The following EBF1 variants were observed in gnomAD, a reference collection of about 807,000 sequenced individuals.
EBF1 encodes transcription factor COE1.
Under a neutral mutation model 68.4 loss-of-function variants are expected in EBF1, and 10 were observed. That is an observed-to-expected ratio of 0.15 (90% CI 0.09 to 0.25). The LOEUF is 0.25. Among genes scored for constraint, EBF1 ranks in the 10% least tolerant of loss-of-function variants. EBF1 has a pLI of 1.00. For missense variants in EBF1, 509 were observed against 794.4 expected (o/e 0.64, Z 4.32); for synonymous variants, 298 against 299.8 (o/e 0.99, Z 0.06).
In EBF1 at chr5:158,886,135, T is replaced by G. The variant is rs151180700; in HGVS notation, c.555-46025A>C. 1.3e-5 allele frequency among the ~76,000 whole-genome samples: 2 copies of G among 152,348 alleles called. 1 individual carries two copies. Among genetic ancestry groups the G allele is most frequent in the African/African-American group, 4.8e-5 (2 of 41,590 alleles). ...ATCAATTCCTACCTTCCAGATTATC[T>G]ACAAGGATACAGCTATTGTCTATGC... On this transcript the variant is annotated intron_variant, in intron 6 of 15. Transcript: ENST00000313708.
rs147944361 is a variant in EBF1, at chr5:158,815,756, T to C, written c.778+7420A>G. Among the ~76,000 whole-genome samples the C allele has an allele frequency of 2.8e-4, 42 of 152,332 alleles. No individual in the cohort carries two copies. The East Asian group carries it at 8.1e-3, about 29-fold the overall frequency. On this transcript the variant is annotated intron_variant, in intron 8 of 15. Coordinates refer to ENST00000313708, the MANE Select transcript of EBF1 (RefSeq NM_024007.5). ...ATCCCCAGTGTTAGGATTTCCGGTG[T>C]TACCTGCTTTATGAATTACTCAGGG...
intron 5 of EBF1, 147 bp downstream of exon 5, chr5:159,084,519 C>T: frequency 1.9e-6 from 1 of 538,688 alleles, no homozygotes; most frequent in Admixed American, 4.0e-5. Context: ...ACCAAATACT[C>T]ACATCTAACA....
chr5:159,064,253 T>C (rs769452283), intron 6 of EBF1, among the ~76,000 whole-genome samples: 1 of 152,146 alleles, frequency 6.6e-6, no homozygotes, highest in Non-Finnish European at 1.5e-5. Context: ...GCTGGCTTGG[T>C]AAATAGGTTT....
chr5:159,069,449 G>A (rs1255207146), intron 6 of EBF1, among the ~76,000 whole-genome samples: 1 of 152,070 alleles, frequency 6.6e-6, no homozygotes, highest in African/African-American at 2.4e-5. Context: ...GCATACTTTG[G>A]AGAAAGAAAT....
chr5:158,737,092 G>GC (rs1287008904), intron 10 of EBF1, among the ~76,000 whole-genome samples: 1 of 151,958 alleles, frequency 6.6e-6, no homozygotes, highest in Non-Finnish European at 1.5e-5. Context: ...ACAGCCTGGT[G>GC]CCCCTGCCTC....
intron 10 of EBF1, among the ~76,000 whole-genome samples, chr5:158,736,847 T>A (rs955491135): frequency 6.6e-6 from 1 of 152,230 alleles, no homozygotes; most frequent in African/African-American, 2.4e-5. Flanking sequence ...TCTTTAAGAC[T>A]GAGTTTAAAA....
chr5:158,964,367 T>C (rs1010295089), intron 6 of EBF1, among the ~76,000 whole-genome samples: 2 of 152,062 alleles, frequency 1.3e-5, no homozygotes, highest in Non-Finnish European at 2.9e-5. Context: ...GTCAGAAGCA[T>C]CAGAAAGATC....
chr5:159,056,634 G>A (rs1325921399), intron 6 of EBF1, among the ~76,000 whole-genome samples: 1 of 152,078 alleles, frequency 6.6e-6, no homozygotes, highest in Non-Finnish European at 1.5e-5. Flanking sequence ...GAAATACAGT[G>A]TACTTTTTTC....
At chr5:158,847,627 A>G (rs1370175845) in intron 6 of EBF1, among the ~76,000 whole-genome samples, 1 of 152,232 alleles carries the variant, frequency 6.6e-6, no homozygotes, top group East Asian at 1.9e-4. Flanking sequence ...TCAAATGCCA[A>G]GTGTTTCTTG....
chr5:158,709,907 GATC>G, intron 14 of EBF1, among the ~76,000 whole-genome samples: 1 of 152,266 alleles, frequency 6.6e-6, no homozygotes, highest in South Asian at 2.1e-4. Context: ...TGGCAAATGT[GATC>G]ATTATGTGTA....
intron 3 of EBF1, 37 bp from the exon 4 acceptor site, chr5:159,095,712 T>G: frequency 1.9e-6 from 3 of 1,610,300 alleles, no homozygotes; most frequent in Non-Finnish European, 2.5e-6. Context: ...GAGAATTAAG[T>G]GAGAGGTTAC....
At chr5:158,704,877 A>C (rs1757529936) in intron 15 of EBF1, among the ~76,000 whole-genome samples, 1 of 152,230 alleles carries the variant, frequency 6.6e-6, no homozygotes, top group African/African-American at 2.4e-5. Context: ...AGAAGAGCTT[A>C]AAGTGAGATG....
intron 6 of EBF1, among the ~76,000 whole-genome samples, chr5:158,958,945 C>T (rs543174115): frequency 2.0e-5 from 3 of 152,254 alleles, no homozygotes; most frequent in South Asian, 2.1e-4. Flanking sequence ...ATTGCCCACA[C>T]GATTCGCACA....
intron 10 of EBF1, among the ~76,000 whole-genome samples, chr5:158,759,595 T>C (rs962621613): frequency 2.6e-5 from 4 of 152,164 alleles, no homozygotes; most frequent in Admixed American, 6.6e-5. Context: ...TAAGTGTACC[T>C]GGGTGATGCT....
chr5:158,780,024 T>A (rs2127689021), intron 9 of EBF1, among the ~76,000 whole-genome samples: 1 of 152,322 alleles, frequency 6.6e-6, no homozygotes, highest in South Asian at 2.1e-4. Context: ...TTCCTAGCTG[T>A]GAATATTAGT....
Position 158,836,939 on chromosome 5 carries a change from T to C in EBF1, c.636+3090A>G, listed in dbSNP as rs141495599. On this transcript the variant is annotated intron_variant, in intron 7 of 15. Transcript: ENST00000313708. The stretch of plus-strand genomic sequence containing the variant: ...ATTTGAGAATCACAGGCAAGAGCAT[T>C]GTCAGTGTCAGAGTTCAGATAAATC... Among the ~76,000 whole-genome samples, 380 of 152,324 alleles carry C rather than the reference T, an allele frequency of 2.5e-3. 1 individual carries two copies. Among genetic ancestry groups the C allele is most frequent in the African/African-American group, 8.6e-3 (357 of 41,568 alleles).
At chr5:158,834,993 G>GT (rs919834306) in intron 7 of EBF1, among the ~76,000 whole-genome samples, 4 of 152,202 alleles carry the variant, frequency 2.6e-5, no homozygotes, top group Non-Finnish European at 2.9e-5. Context: ...GGAGACCAGA[G>GT]TTTTTTTGTG....
At chr5:159,012,600 C>T (rs1196497787) in intron 6 of EBF1, among the ~76,000 whole-genome samples, 1 of 152,142 alleles carries the variant, frequency 6.6e-6, no homozygotes, top group Non-Finnish European at 1.5e-5. Context: ...AATCCTCTCA[C>T]TTCAGCCTCC....
At chr5:158,921,298 T>C (rs1225460315) in intron 6 of EBF1, among the ~76,000 whole-genome samples, 2 of 152,216 alleles carry the variant, frequency 1.3e-5, no homozygotes, top group Non-Finnish European at 1.5e-5. Flanking sequence ...CTACACCTTA[T>C]TCTGAATTCA....
Sources: allele counts gnomAD v4.1 joint callset (sites outside exome capture counted in the v4.1 genomes callset), GRCh38; gene constraint gnomAD v4.1.1; transcripts MANE v1.5; gene names NCBI Gene and HGNC (gene_info 2026-07-23, HGNC 2026-07-21).